The following TRAPPC9 variants were observed in gnomAD, a reference collection of about 807,000 sequenced individuals.
TRAPPC9 encodes IKK2 binding protein.
In TRAPPC9, 83 loss-of-function variants were observed where a neutral mutation model predicts 124.0. That is an observed-to-expected ratio of 0.67 (90% CI 0.56 to 0.80). The LOEUF (loss-of-function observed/expected upper bound fraction) is 0.80, where lower values mean the gene tolerates loss of function less well. Ranked by LOEUF, TRAPPC9 falls within the 30% of genes least tolerant of loss-of-function variation. TRAPPC9 has a pLI of 0.00. For missense variants in TRAPPC9, 1,302 were observed against 1,508.3 expected (o/e 0.86, Z 2.27); for synonymous variants, 638 against 617.5 (o/e 1.03, Z -0.49).
At chr8:139,734,196 G>A (rs6991854) in intron 21 of TRAPPC9, among the ~76,000 whole-genome samples, 6,858 of 152,266 alleles carry the variant, frequency 0.045, 514 homozygotes, top group African/African-American at 0.15. Flanking sequence ...AGAGGATCTC[G>A]TGGCCAAGGC....
chr8:139,908,419 TCAGAAAGACCCAA>T (rs1255295573), intron 20 of TRAPPC9, among the ~76,000 whole-genome samples: 1 of 151,956 alleles, frequency 6.6e-6, no homozygotes, highest in Non-Finnish European at 1.5e-5. Flanking sequence ...CCTCAGCCTA[TCAGAAAGACCCAA>T]CAGAAAGACA....
intron 19 of TRAPPC9, among the ~76,000 whole-genome samples, chr8:139,974,195 C>T (rs1434870822): frequency 6.6e-6 from 1 of 152,172 alleles, no homozygotes; most frequent in African/African-American, 2.4e-5. Context: ...ATTCACAGCT[C>T]GCCCAGCAGG....
chr8:139,826,647 T>C (rs1041430202), intron 21 of TRAPPC9, among the ~76,000 whole-genome samples: 7 of 152,086 alleles, frequency 4.6e-5, no homozygotes, highest in Admixed American at 6.5e-5. Flanking sequence ...CAGAGGAGTG[T>C]GAGGCTGTCA....
chr8:139,741,157 G>C (rs1586739918), intron 21 of TRAPPC9, among the ~76,000 whole-genome samples: 1 of 152,138 alleles, frequency 6.6e-6, no homozygotes, highest in Non-Finnish European at 1.5e-5. Flanking sequence ...CTCCCCATTG[G>C]GCATGATGCT....
chr8:139,736,725 T>G (rs1459617438), intron 21 of TRAPPC9, among the ~76,000 whole-genome samples: 1 of 152,226 alleles, frequency 6.6e-6, no homozygotes, highest in East Asian at 1.9e-4. Context: ...TGAGAACATG[T>G]GACCGCATGG....
At chr8:139,842,481 C>T (rs1445335093) in intron 21 of TRAPPC9, among the ~76,000 whole-genome samples, 3 of 152,236 alleles carry the variant, frequency 2.0e-5, no homozygotes, top group Non-Finnish European at 4.4e-5. Context: ...TGGCTTCGAT[C>T]GCACAGACAT....
chr8:140,329,113 G>A (rs1269042125), intron 9 of TRAPPC9, among the ~76,000 whole-genome samples: 1 of 152,146 alleles, frequency 6.6e-6, no homozygotes, highest in Non-Finnish European at 1.5e-5. Flanking sequence ...ACACTCCCAG[G>A]TAGAATGTGA....
intron 17 of TRAPPC9, among the ~76,000 whole-genome samples, chr8:140,201,065 G>A (rs550659206): frequency 7.9e-5 from 12 of 152,284 alleles, no homozygotes; most frequent in East Asian, 7.7e-4. Flanking sequence ...TTCTAACGCC[G>A]GATGCAGGGC....
intron 17 of TRAPPC9, among the ~76,000 whole-genome samples, chr8:140,070,794 C>A (rs1296094843): frequency 6.6e-6 from 1 of 152,210 alleles, no homozygotes; most frequent in African/African-American, 2.4e-5. Context: ...CATCAGCAGG[C>A]CCAGGAAACA....
intron 9 of TRAPPC9, among the ~76,000 whole-genome samples, chr8:140,339,551 G>A (rs1440287826): frequency 1.3e-5 from 2 of 152,180 alleles, no homozygotes; most frequent in Non-Finnish European, 2.9e-5. Flanking sequence ...AAAGGCTAAG[G>A]ATAAAGTCTC....
chr8:140,289,975 G>A (rs960090054), intron 12 of TRAPPC9, among the ~76,000 whole-genome samples: 8 of 152,128 alleles, frequency 5.3e-5, no homozygotes, highest in East Asian at 3.9e-4. Context: ...CAGCCACCAC[G>A]TGTCCACCTG....
Position 140,332,063 on chromosome 8 carries a change from G to C in TRAPPC9, c.1496-20689C>G, listed in dbSNP as rs953925830. On this transcript the variant is annotated intron_variant, in intron 9 of 22. Transcript: ENST00000438773. The stretch of plus-strand genomic sequence containing the variant: ...ACTAAGTCACAGTAGCCAAGATATG[G>C]AATCAACCCAAGTGACCATCAATAG... Among the ~76,000 whole-genome samples the C allele has an allele frequency of 2.0e-5, 3 of 152,100 alleles. 1 individual carries two copies. The highest frequency in any genetic ancestry group is 7.2e-5 in the African/African-American group (3 of 41,422).
intron 3 of TRAPPC9, among the ~76,000 whole-genome samples, chr8:140,437,563 G>A (rs1003499550): frequency 6.6e-6 from 1 of 152,204 alleles, no homozygotes; most frequent in Non-Finnish European, 1.5e-5. Flanking sequence ...GGCGGAGATT[G>A]CAGTGAGCCA....
chr8:140,340,370 T>C lies in TRAPPC9; in HGVS notation c.1495+19680A>G, dbSNP rs192957373. On this transcript the variant is annotated intron_variant, in intron 9 of 22. Transcript: ENST00000438773. ...AAAGCCTAACATTTCACCAGAGAGA[T>C]AGAAACTTTTCTTTCTAACTTAGAG... 4.6e-5 allele frequency among the ~76,000 whole-genome samples: 7 copies of C among 152,346 alleles called. No homozygotes were observed. The East Asian group carries it at 1.3e-3, about 29-fold the overall frequency.
chr8:140,311,214 A>G, intron 10 of TRAPPC9, 34 bp downstream of exon 10: 3 of 1,605,854 alleles, frequency 1.9e-6, no homozygotes, highest in Non-Finnish European at 2.5e-6. Flanking sequence ...CCCAGAGGGC[A>G]GCTGCCTTTC....
chr8:139,812,293 C>T (rs372443258), intron 21 of TRAPPC9, among the ~76,000 whole-genome samples: 62 of 152,240 alleles, frequency 4.1e-4, no homozygotes, highest in African/African-American at 1.3e-3. Context: ...GAAAAACAAT[C>T]GCATTGTCAC....
intron 21 of TRAPPC9, among the ~76,000 whole-genome samples, chr8:139,882,974 G>C (rs1440238435): frequency 2.6e-5 from 4 of 152,234 alleles, no homozygotes; most frequent in African/African-American, 9.6e-5. Flanking sequence ...GCTACGGATT[G>C]AATGTCTCCT....
intron 8 of TRAPPC9, among the ~76,000 whole-genome samples, chr8:140,362,515 T>C (rs1300567132): frequency 6.6e-6 from 1 of 151,866 alleles, no homozygotes; most frequent in Non-Finnish European, 1.5e-5. Context: ...GAGCTGACCA[T>C]ACACACACTT....
chr8:140,167,777 C>T (rs970486402), intron 17 of TRAPPC9, among the ~76,000 whole-genome samples: 21 of 152,156 alleles, frequency 1.4e-4, no homozygotes, highest in African/African-American at 2.9e-4. Context: ...AAAGGCCACA[C>T]GAAAGCTGAC....
Sources: gnomAD v4.1 joint callset for allele counts (sites outside exome capture counted in the v4.1 genomes callset) on GRCh38, gnomAD v4.1.1 for gene constraint, MANE v1.5 for transcripts, NCBI Gene and HGNC (gene_info 2026-07-23, HGNC 2026-07-21) for gene names.